The following ACAP2 variants were observed in gnomAD, a reference collection of about 807,000 sequenced individuals.
ACAP2 encodes ArfGAP with coiled-coil, ankyrin repeat and PH domains 2, also known as arf-GAP with coiled-coil, ANK repeat and PH domain-containing protein 2.
Under a neutral mutation model 115.8 loss-of-function variants are expected in ACAP2, and 39 were observed. The observed-to-expected ratio is 0.34, with a 90% CI of 0.26 to 0.44. The LOEUF is 0.44. ACAP2 is among the 20% of genes least tolerant of loss of function. ACAP2 has a pLI of 1.00. For synonymous variants in ACAP2, 289 were observed against 315.8 expected, an observed-to-expected ratio of 0.92 and a Z score of 0.90; for missense variants, 662 against 927.6, an observed-to-expected ratio of 0.71 and a Z score of 3.72.
At chr3:195,308,754 A>T (rs764024833) in intron 11 of ACAP2, 32 bp downstream of exon 11, 1 of 1,551,892 alleles carries the variant, frequency 6.4e-7, no homozygotes, top group African/African-American at 1.4e-5. Flanking sequence ...TGAAACTGGT[A>T]ACTCACTGGG....
intron 1 of ACAP2, among the ~76,000 whole-genome samples, chr3:195,423,622 CAAAA>C (rs59649323): frequency 9.7e-5 from 9 of 92,636 alleles, no homozygotes; most frequent in Admixed American, 5.9e-4. Context: ...GACTCCGTCT[CAAAA>C]AAAAAAAAAA....
At chr3:195,326,992 T>TA (rs146969467) in intron 8 of ACAP2, 33 bp from the exon 9 acceptor site, 1 of 1,569,328 alleles carries the variant, frequency 6.4e-7, no homozygotes, top group South Asian at 1.1e-5. Context: ...ACTGCAGACT[T>TA]AAAAAAAGTA....
At position 195,294,742 on chromosome 3, in the gene ACAP2, G is replaced by T. The variant is rs1560210080; in HGVS notation, c.1742C>A (p.Ser581Ter). The T allele has an allele frequency of 6.2e-7, 1 of 1,607,842 alleles. No homozygotes were observed. The highest frequency in any genetic ancestry group is 8.5e-7 in the Non-Finnish European group (1 of 1,176,048). ...ACCAGGCTCATATAAACTATTGGCT[G>T]ACACCGTGGAGGGTAAAGATTCTCT... ...DGRESLPSTV[S>*]ANSLYEPEGE... The change falls in exon 18 of 23, where the codon TCA (serine) becomes TAA (stop). Residue 581 changes from serine to a stop codon, truncating the protein, a stop_gained. Coordinates refer to ENST00000326793, the MANE Select transcript of ACAP2 (RefSeq NM_012287.6). LOFTEE classifies it high-confidence loss of function.
chr3:195,389,270 T>C (rs1734500024), intron 2 of ACAP2, among the ~76,000 whole-genome samples: 1 of 152,090 alleles, frequency 6.6e-6, no homozygotes, highest in Admixed American at 6.6e-5. Flanking sequence ...ATTCTAGCAG[T>C]GTGTGTGCCC....
rs1726324185 is a variant in ACAP2, at chr3:195,279,157, C to T, written c.*171G>A. On this transcript the variant is annotated 3_prime_UTR_variant, in exon 23 of 23. Coordinates refer to ENST00000326793, the MANE Select transcript of ACAP2 (RefSeq NM_012287.6). ...GGTCCTAAACTAGGTTCCTCTCCTA[C>T]TACTAGATAACTATGTTTTAATTTA... 2 of 498,012 alleles carry T rather than the reference C, an allele frequency of 4.0e-6. No homozygotes were observed. The highest frequency in any genetic ancestry group is 8.0e-5 in the Admixed American group (2 of 24,976). 30.8% of individuals were successfully genotyped at this position (498,012 alleles called of 1,614,324 possible).
intron 2 of ACAP2, among the ~76,000 whole-genome samples, chr3:195,391,224 C>CTTT (rs200717304): frequency 3.4e-5 from 3 of 88,562 alleles, no homozygotes; most frequent in South Asian, 4.2e-4. Flanking sequence ...AAAAGCTTCT[C>CTTT]TTTCTTTTTT....
In ACAP2 at chr3:195,276,447, C is replaced by G. The variant is rs1217423563; in HGVS notation, c.*2881G>C. The G allele has an allele frequency of 6.6e-6, 1 of 152,160 alleles. No homozygotes were observed. Among genetic ancestry groups the G allele is most frequent in the African/African-American group, 2.4e-5 (1 of 41,444 alleles). 9.4% of individuals were successfully genotyped at this position (152,160 alleles called of 1,614,324 possible). ...GCATTTGCAAATGACTGCTCAATTACTTTTATTCTAGCTCTAACATGAAAT... is the reference window on the plus strand; with the variant it reads ...GCATTTGCAAATGACTGCTCAATTAGTTTTATTCTAGCTCTAACATGAAAT... On this transcript the variant is annotated 3_prime_UTR_variant, in exon 23 of 23. Coordinates refer to ENST00000326793, the MANE Select transcript of ACAP2 (RefSeq NM_012287.6).
intron 22 of ACAP2, 134 bp from the exon 23 acceptor site, chr3:195,279,562 A>G: frequency 2.1e-6 from 1 of 476,780 alleles, no homozygotes. Context: ...TTGGAAGAAA[A>G]GGGGCAACTA....
At position 195,294,723 on chromosome 3, in the gene ACAP2, C is replaced by CTCATA; in HGVS notation, c.1756_1760dup (p.Glu587AspfsTer48). On this transcript the variant is annotated frameshift_variant, in exon 18 of 23. Coordinates refer to ENST00000326793, the MANE Select transcript of ACAP2 (RefSeq NM_012287.6). LOFTEE classifies it high-confidence loss of function. ...TTGAGTTTCATCAGAACTCACCAGG[C>CTCATA]TCATATAAACTATTGGCTGACACCG... is the stretch of plus-strand genomic sequence containing the variant. 1 of 1,591,932 alleles carries CTCATA rather than the reference C, an allele frequency of 6.3e-7. No individual in the cohort carries two copies. Among genetic ancestry groups the CTCATA allele is most frequent in the Non-Finnish European group, 8.6e-7 (1 of 1,164,550 alleles).
At chr3:195,356,125 A>ACCCCAGCCCTCCCCCATGCG in intron 4 of ACAP2, 1 of 456,666 alleles carries the variant, frequency 2.2e-6, no homozygotes, top group Non-Finnish European at 4.4e-6. Context: ...TGAATTGCTG[A>ACCCCAGCCCTCCCCCATGCG]CCCCAGCCCT....
At chr3:195,382,104 T>C (rs1297876057) in intron 2 of ACAP2, 82 bp from the exon 3 acceptor site, 1 of 1,304,110 alleles carries the variant, frequency 7.7e-7, no homozygotes, top group East Asian at 2.5e-5. Flanking sequence ...AGTAACTATA[T>C]GAGGTGACCT....
intron 22 of ACAP2, among the ~76,000 whole-genome samples, chr3:195,280,396 C>T (rs762382737): frequency 5.9e-5 from 9 of 152,076 alleles, no homozygotes; most frequent in Admixed American, 2.6e-4. Context: ...CGCTTGAACC[C>T]GGGAGGTGGA....
chr3:195,369,357 T>C (rs1732965053), intron 4 of ACAP2, among the ~76,000 whole-genome samples: 1 of 152,218 alleles, frequency 6.6e-6, no homozygotes, highest in South Asian at 2.1e-4. Flanking sequence ...ACAGATTGTT[T>C]CATCACCCAG....
At chr3:195,404,099 G>A (rs1560334428) in intron 1 of ACAP2, among the ~76,000 whole-genome samples, 1 of 152,122 alleles carries the variant, frequency 6.6e-6, no homozygotes, top group East Asian at 1.9e-4. Flanking sequence ...CCAGCTCTTT[G>A]GAAGGCTGAG....
intron 4 of ACAP2, among the ~76,000 whole-genome samples, chr3:195,369,572 T>C (rs1273063500): frequency 2.0e-5 from 3 of 152,236 alleles, no homozygotes; most frequent in African/African-American, 7.2e-5. Flanking sequence ...GCTCCATCCA[T>C]GTTCCTACAG....
intron 22 of ACAP2, among the ~76,000 whole-genome samples, chr3:195,283,082 T>C (rs1726611095): frequency 6.6e-6 from 1 of 152,132 alleles, no homozygotes; most frequent in Non-Finnish European, 1.5e-5. Context: ...TGCTACATAC[T>C]CACATAACCA....
chr3:195,417,290 T>G (rs1713814011), intron 1 of ACAP2, among the ~76,000 whole-genome samples: 1 of 151,694 alleles, frequency 6.6e-6, no homozygotes, highest in Non-Finnish European at 1.5e-5. Flanking sequence ...CTAATGAACA[T>G]CTCTACCTGA....
intron 22 of ACAP2, chr3:195,285,515 AC>A (rs1726785526): frequency 5.7e-6 from 2 of 348,192 alleles, no homozygotes; most frequent in East Asian, 9.4e-5. Flanking sequence ...AGACATCCGT[AC>A]AGCAAATAAA....
Position 195,292,401 on chromosome 3 carries a change from G to A in ACAP2, c.1817C>T (p.Pro606Leu). ...SMFLDSKHLNPGLQLYRASYE... is the reference protein window; with the variant it reads ...SMFLDSKHLNLGLQLYRASYE... ...TGACGCCCTATAAAGCTGAAGTCCT[G>A]GATTAAGATGTTTCGAGTCAAGAAA... is the stretch of plus-strand genomic sequence containing the variant. The change falls in exon 19 of 23, where the codon CCA (proline) becomes CTA (leucine). Residue 606 changes from proline (P) to leucine (L), a missense_variant. Around this residue, in one of 3 missense-constraint regions of ACAP2, gnomAD observed 133 missense variants for 123.1 expected, o/e 1.08. Transcript: ENST00000326793. 6.2e-7 allele frequency: 1 copy of A among 1,612,974 alleles called. No individual in the cohort carries two copies.
Sources: gnomAD v4.1 joint callset for allele counts (sites outside exome capture counted in the v4.1 genomes callset) on GRCh38, gnomAD v4.1.1 for gene constraint, gnomAD v4.1.1 regional missense constraint, MANE v1.5 for transcripts, NCBI Gene and HGNC (gene_info 2026-07-23, HGNC 2026-07-21) for gene names.